CXADR: variants seen among roughly 807,000 people sequenced by gnomAD.
CXADR encodes CXADR cell adhesion molecule, also known as coxsackievirus and adenovirus receptor.
In CXADR, 20 loss-of-function variants were observed where a neutral mutation model predicts 40.3. That is an observed-to-expected ratio of 0.50 (90% CI 0.35 to 0.72). CXADR has a LOEUF of 0.72. Among genes scored for constraint, CXADR ranks in the 30% least tolerant of loss-of-function variants. The pLI, the probability that CXADR is intolerant of heterozygous loss-of-function variation, is 0.01. For missense variants in CXADR, 332 were observed against 449.1 expected, an observed-to-expected ratio of 0.74 and a Z score of 2.36; for synonymous variants, 150 against 161.3, an observed-to-expected ratio of 0.93 and a Z score of 0.53.
intron 1 of CXADR, chr21:17,518,446 G>A (rs2123104043): frequency 1.4e-6 from 1 of 698,428 alleles, no homozygotes; most frequent in Middle Eastern, 4.2e-4. Flanking sequence ...AACAGGTGAT[G>A]TTCTCTGTGT....
At chr21:17,607,876 C>T in the CXADR span, among the ~76,000 whole-genome samples, 1 of 152,232 alleles carries the variant, frequency 6.6e-6, no homozygotes, top group South Asian at 2.1e-4. Context: ...CACATAAATA[C>T]TACAGTGAGC....
At chr21:17,597,799 A>C (rs527571079), downstream of CXADR, among the ~76,000 whole-genome samples, 1 of 152,296 alleles carries the variant, frequency 6.6e-6, no homozygotes, top group African/African-American at 2.4e-5. Context: ...TGCTGAATTT[A>C]AAAGTTTAGT....
At chr21:17,563,353 G>A (rs112661495) in intron 6 of CXADR, among the ~76,000 whole-genome samples, 1 of 151,998 alleles carries the variant, frequency 6.6e-6, no homozygotes, top group Non-Finnish European at 1.5e-5. Context: ...GGTCATTGTA[G>A]GGTTATTAAG....
intron 1 of CXADR, among the ~76,000 whole-genome samples, chr21:17,532,079 C>T (rs2060684953): frequency 6.6e-6 from 1 of 151,946 alleles, no homozygotes; most frequent in Admixed American, 6.6e-5. Context: ...TGCAGGCATG[C>T]ACCACCACGT....
chr21:17,544,836 T>C (rs1363164828), intron 1 of CXADR, among the ~76,000 whole-genome samples: 1 of 152,210 alleles, frequency 6.6e-6, no homozygotes, highest in African/African-American at 2.4e-5. Context: ...GTGTTGAATG[T>C]AACCAGGATT....
chr21:17,613,469 A>G, the CXADR span: 1 of 152,338 alleles, frequency 6.6e-6, no homozygotes, highest in Admixed American at 6.5e-5. Context: ...GCCCTGCTGT[A>G]TTTTAGGCGG....
chr21:17,564,596 G>C (rs13048154), intron 6 of CXADR, among the ~76,000 whole-genome samples: 33,148 of 151,960 alleles, frequency 0.22, 3,671 homozygotes, highest in African/African-American at 0.25. Context: ...TGAGCTCTCT[G>C]TCAGTGTTTG....
At chr21:17,614,749 G>GA in the CXADR span, among the ~76,000 whole-genome samples, 148 of 151,114 alleles carry the variant, frequency 9.8e-4, no homozygotes, top group Middle Eastern at 3.4e-3. Context: ...TCTAAAAAAA[G>GA]AAAAAAAAAT....
At chr21:17,525,029 TAAA>T (rs1235183704) in intron 1 of CXADR, among the ~76,000 whole-genome samples, 1 of 152,048 alleles carries the variant, frequency 6.6e-6, no homozygotes, top group Non-Finnish European at 1.5e-5. Context: ...GATCTATTGA[TAAA>T]AAAAGGAAGA....
At chr21:17,515,880 G>A (rs2060455784) in intron 1 of CXADR, among the ~76,000 whole-genome samples, 1 of 152,178 alleles carries the variant, frequency 6.6e-6, no homozygotes, top group Non-Finnish European at 1.5e-5. Flanking sequence ...TCCTACTTTA[G>A]CAAAACAAGG....
intron 1 of CXADR, among the ~76,000 whole-genome samples, chr21:17,515,636 C>A (rs139372332): frequency 0.018 from 2,732 of 152,120 alleles, 87 homozygotes; most frequent in African/African-American, 0.063. Context: ...ACGGTGAAAC[C>A]CCGTCCCTAC....
chr21:17,545,301 C>T (rs867982538), intron 1 of CXADR, among the ~76,000 whole-genome samples: 1 of 151,858 alleles, frequency 6.6e-6, no homozygotes, highest in Admixed American at 6.6e-5. Flanking sequence ...TGAATTTATA[C>T]TTAAGAAAAT....
chr21:17,544,199 T>A (rs1270409109), intron 1 of CXADR, among the ~76,000 whole-genome samples: 1 of 152,178 alleles, frequency 6.6e-6, no homozygotes, highest in Non-Finnish European at 1.5e-5. Context: ...TAGAAATGCC[T>A]TAATGAATGA....
Position 17,534,100 on chromosome 21 carries a change from A to ATTT in CXADR, c.44-12904_44-12902dup, listed in dbSNP as rs1157117899. On this transcript the variant is annotated intron_variant, in intron 1 of 6. Coordinates refer to ENST00000284878, the MANE Select transcript of CXADR (RefSeq NM_001338.5). ...CACACACATATATATATATATATAT[A>ATTT]TTTTTTTTTTTTTTTTTTTTTTTTT... Among the ~76,000 whole-genome samples the ATTT allele has an allele frequency of 6.3e-3, 376 of 60,086 alleles. 44 individuals carry two copies. Among genetic ancestry groups the ATTT allele is most frequent in the African/African-American group, 0.03 (342 of 11,246 alleles). The allele number at this position is 60,086 out of a possible 152,430, so 39.4% of individuals were successfully genotyped here.
At chr21:17,522,236 C>T (rs1347796784) in intron 1 of CXADR, among the ~76,000 whole-genome samples, 1 of 151,956 alleles carries the variant, frequency 6.6e-6, no homozygotes, top group African/African-American at 2.4e-5. Flanking sequence ...GCAACCTCTG[C>T]CTCCCGGGTT....
chr21:17,580,138 A>G (rs2061350208), intron 7 of CXADR, among the ~76,000 whole-genome samples: 1 of 152,176 alleles, frequency 6.6e-6, no homozygotes, highest in Non-Finnish European at 1.5e-5. Context: ...CACTTTGGAA[A>G]GAAATATGAA....
At chr21:17,537,285 TC>T (rs1251530230) in intron 1 of CXADR, among the ~76,000 whole-genome samples, 28 of 152,248 alleles carry the variant, frequency 1.8e-4, no homozygotes, top group Admixed American at 1.8e-3. Flanking sequence ...TCAATTTTTT[TC>T]ACTATTTGTA....
chr21:17,607,801 C>G, the CXADR span, among the ~76,000 whole-genome samples: 2 of 152,184 alleles, frequency 1.3e-5, no homozygotes, highest in Admixed American at 1.3e-4. Flanking sequence ...GCCACATCCA[C>G]AAAATGGGAC....
chr21:17,537,765 TA>T (rs919418765), intron 1 of CXADR, among the ~76,000 whole-genome samples: 10 of 151,084 alleles, frequency 6.6e-5, no homozygotes, highest in African/African-American at 2.2e-4. Context: ...TTTGCTCTGC[TA>T]AAAAAAAACC....
Sources: allele counts gnomAD v4.1 joint callset (sites outside exome capture counted in the v4.1 genomes callset), GRCh38; gene constraint gnomAD v4.1.1; transcripts MANE v1.5; gene names NCBI Gene and HGNC (gene_info 2026-07-23, HGNC 2026-07-21).